Variants in ETNK1 observed in about 807,000 individuals in gnomAD.
The protein encoded by ETNK1 is putative protein product of Nbla10396.
In ETNK1, 8 loss-of-function variants were observed where a neutral mutation model predicts 45.1. That is an observed-to-expected ratio of 0.18 (90% CI 0.10 to 0.32). The LOEUF is 0.32. ETNK1 is among the 10% of genes least tolerant of loss of function. The pLI is 1.00. For synonymous variants in ETNK1, 152 were observed against 151.9 expected, an observed-to-expected ratio of 1.00 and a Z score of -0.01; for missense variants, 302 against 430.6, an observed-to-expected ratio of 0.70 and a Z score of 2.64.
chr12:22,672,898 CT>C (rs969939991), intron 5 of ETNK1, among the ~76,000 whole-genome samples: 12 of 152,156 alleles, frequency 7.9e-5, no homozygotes, highest in Non-Finnish European at 1.6e-4. Context: ...GGGGTAATGA[CT>C]TTTTTGTTTG....
At chr12:22,663,368 A>G (rs1954025779) in intron 4 of ETNK1, among the ~76,000 whole-genome samples, 1 of 152,196 alleles carries the variant, frequency 6.6e-6, no homozygotes, top group African/African-American at 2.4e-5. Context: ...CAAGTTGATC[A>G]AAGAGAATCT....
chr12:22,677,842 T>C (rs1308347996), intron 6 of ETNK1, among the ~76,000 whole-genome samples: 4 of 152,194 alleles, frequency 2.6e-5, no homozygotes, highest in African/African-American at 7.2e-5. Flanking sequence ...ATGCTTGTGA[T>C]TTTTGTAAAT....
chr12:22,653,205 C>T (rs1472087314), intron 2 of ETNK1, among the ~76,000 whole-genome samples: 1 of 151,956 alleles, frequency 6.6e-6, no homozygotes, highest in Non-Finnish European at 1.5e-5. Flanking sequence ...TGCTCTATTC[C>T]ATTTATCTGT....
At chr12:22,642,533 CTA>C (rs1953752468) in intron 1 of ETNK1, among the ~76,000 whole-genome samples, 1 of 151,626 alleles carries the variant, frequency 6.6e-6, no homozygotes, top group East Asian at 1.9e-4. Flanking sequence ...CAGCTAAGCC[CTA>C]TATATAATAA....
At position 22,688,075 on chromosome 12, in the gene ETNK1, T is replaced by TC. The variant is rs1954274822; in HGVS notation, c.*3122dup. 1 of 152,206 alleles carries TC rather than the reference T, an allele frequency of 6.6e-6. No homozygotes were observed. Among genetic ancestry groups the TC allele is most frequent in the Admixed American group, 6.6e-5 (1 of 15,246 alleles). The allele number at this position is 152,206 out of a possible 1,614,324, so 9.4% of individuals were successfully genotyped here. On this transcript the variant is annotated 3_prime_UTR_variant, in exon 8 of 8. Coordinates refer to ENST00000266517, the MANE Select transcript of ETNK1 (RefSeq NM_018638.5). ...TATTAATAGAGCTCCGTTCTTTGAG[T>TC]CATGATTCCAAGCTAAAGGAAATTA...
chr12:22,675,109 C>T (rs1047028160), intron 6 of ETNK1, among the ~76,000 whole-genome samples: 1 of 152,136 alleles, frequency 6.6e-6, no homozygotes, highest in African/African-American at 2.4e-5. Flanking sequence ...GCTTTGTCAT[C>T]CAGGCCTGGA....
chr12:22,674,338 T>C (rs987957522), intron 6 of ETNK1, among the ~76,000 whole-genome samples: 38 of 152,204 alleles, frequency 2.5e-4, no homozygotes, highest in African/African-American at 4.8e-5. Context: ...TTGGTTTTAA[T>C]ATAATTTTGT....
chr12:22,635,455 A>G (rs777807782), intron 1 of ETNK1, among the ~76,000 whole-genome samples: 2 of 152,246 alleles, frequency 1.3e-5, no homozygotes, highest in African/African-American at 2.4e-5. Flanking sequence ...GCGTTGTTCC[A>G]TGCAGTGCTT....
At chr12:22,627,698 C>T (rs1025662322) in intron 1 of ETNK1, among the ~76,000 whole-genome samples, 1 of 151,920 alleles carries the variant, frequency 6.6e-6, no homozygotes, top group African/African-American at 2.4e-5. Flanking sequence ...ATTATATAGT[C>T]GACAGAGTAT....
rs1565451190 is a variant in ETNK1 at position 22,687,361 on chromosome 12, CTGT to C, written c.*2410_*2412del. ...TCTGTCCTGTGGTGTGCTAAGATGT[CTGT>C]TGCCTTTTTATGTTAAGCTAAGGAA... On this transcript the variant is annotated 3_prime_UTR_variant, in exon 8 of 8. Coordinates refer to ENST00000266517, the MANE Select transcript of ETNK1 (RefSeq NM_018638.5). 6.6e-6 allele frequency: 1 copy of C among 152,238 alleles called. No individual in the cohort carries two copies. Among genetic ancestry groups the C allele is most frequent in the Non-Finnish European group, 1.5e-5 (1 of 67,776 alleles). 9.4% of individuals were successfully genotyped at this position (152,238 alleles called of 1,614,324 possible).
chr12:22,663,102 C>T (rs1954022982), intron 4 of ETNK1, among the ~76,000 whole-genome samples: 1 of 152,154 alleles, frequency 6.6e-6, no homozygotes. Context: ...TACCCTAAAA[C>T]ATTAAGTACT....
intron 1 of ETNK1, among the ~76,000 whole-genome samples, chr12:22,642,882 A>C (rs1480985415): frequency 6.6e-6 from 1 of 152,054 alleles, no homozygotes; most frequent in African/African-American, 2.4e-5. Flanking sequence ...AGGAAAATGA[A>C]AATTACAATT....
chr12:22,638,884 T>C (rs1057146171), intron 1 of ETNK1: 1 of 152,202 alleles, frequency 6.6e-6, no homozygotes, highest in African/African-American at 2.4e-5. Flanking sequence ...TCTTTGTCTT[T>C]GTGTATTTCA....
chr12:22,663,872 C>G (rs1309849990), intron 4 of ETNK1, among the ~76,000 whole-genome samples: 1 of 150,840 alleles, frequency 6.6e-6, no homozygotes, highest in Admixed American at 6.6e-5. Flanking sequence ...TCTCTCCTTA[C>G]GTGGTTTTAT....
chr12:22,665,364 A>G (rs1199984678), intron 4 of ETNK1, among the ~76,000 whole-genome samples: 1 of 152,150 alleles, frequency 6.6e-6, no homozygotes, highest in Non-Finnish European at 1.5e-5. Flanking sequence ...CAGTTTTTGT[A>G]CTATTGATAG....
chr12:22,665,865 G>A (rs1168834325), intron 4 of ETNK1, among the ~76,000 whole-genome samples: 1 of 152,036 alleles, frequency 6.6e-6, no homozygotes, highest in African/African-American at 2.4e-5. Flanking sequence ...TTAATTAACA[G>A]ATAGATATGA....
chr12:22,662,749 A>G (rs188632479), intron 4 of ETNK1, among the ~76,000 whole-genome samples: 19 of 152,300 alleles, frequency 1.2e-4, no homozygotes, highest in African/African-American at 4.3e-4. Flanking sequence ...CTGATTTTGA[A>G]TCAAAATTGT....
chr12:22,662,416 C>CTTTT, intron 4 of ETNK1, among the ~76,000 whole-genome samples: 1 of 124,528 alleles, frequency 8.0e-6, no homozygotes, highest in Non-Finnish European at 1.6e-5. Flanking sequence ...TTTTAAGTGA[C>CTTTT]TGGATCTCAG....
intron 4 of ETNK1, among the ~76,000 whole-genome samples, chr12:22,666,683 A>G (rs1954056433): frequency 6.6e-6 from 1 of 152,208 alleles, no homozygotes; most frequent in East Asian, 1.9e-4. Context: ...CTCTGTCAGC[A>G]CAATACAAGA....
Sources: gnomAD v4.1 joint callset for allele counts (sites outside exome capture counted in the v4.1 genomes callset) on GRCh38, gnomAD v4.1.1 for gene constraint, MANE v1.5 for transcripts, NCBI Gene and HGNC (gene_info 2026-07-23, HGNC 2026-07-21) for gene names.